Variants in SPG7 observed in about 807,000 individuals in gnomAD.
The protein encoded by SPG7 is mitochondrial inner membrane m-AAA protease component paraplegin.
A neutral mutation model predicts 81.9 loss-of-function variants in SPG7; 103 were observed. The ratio of observed to expected loss-of-function variants is 1.26; its 90% CI spans 1.07 to 1.48. SPG7 has a LOEUF of 1.48. Among genes scored for constraint, SPG7 ranks in the 40% most tolerant of loss-of-function variants. The pLI is 0.00. For synonymous variants in SPG7, 534 were observed against 444.2 expected (o/e 1.20, Z -2.54); for missense variants, 1,241 against 1,087.3 (o/e 1.14, Z -1.99).
rs535030441 is a variant in SPG7, at chr16:89,508,421, G to A, written c.4G>A (p.Ala2Thr). 1,184 of 1,490,226 alleles carry A rather than the reference G, an allele frequency of 7.9e-4. No homozygotes were observed. Among genetic ancestry groups the A allele is most frequent in the African/African-American group, 3.1e-3 (213 of 68,524 alleles). 92.3% of individuals were successfully genotyped at this position (1,490,226 alleles called of 1,614,324 possible). ...CAGGCGCGGCTTTCAGGCCAACATG[G>A]CCGTGCTGCTGCTGCTGCTCCGTGC... M[A>T]VLLLLLRALR... The change falls in exon 1 of 17, where the codon GCC (alanine) becomes ACC (threonine). Residue 2 changes from alanine (A) to threonine (T), a missense_variant. Coordinates refer to ENST00000645818, the MANE Select transcript of SPG7 (RefSeq NM_003119.4).
At chr16:89,552,798 C>T (rs903965369) in intron 13 of SPG7, 181 bp from the exon 14 acceptor site, 2 of 649,382 alleles carry the variant, frequency 3.1e-6, no homozygotes, top group South Asian at 3.4e-5. Flanking sequence ...GTGGTGGGAA[C>T]GCTGCTGTCT....
Position 89,515,017 on chromosome 16 carries a change from A to G in SPG7, c.376+1980A>G, listed in dbSNP as rs190741355. On this transcript the variant is annotated intron_variant, in intron 3 of 16. Transcript: ENST00000645818. ...AGTGGTGTGATCTCAGCTCACTGCAAGCTCCGTCTCCCAGGTTCACGCCAT... is the reference window on the plus strand; with the variant it reads ...AGTGGTGTGATCTCAGCTCACTGCAGGCTCCGTCTCCCAGGTTCACGCCAT... Among the ~76,000 whole-genome samples, 1,204 of 148,762 alleles carry G rather than the reference A, an allele frequency of 8.1e-3. 14 individuals are homozygous for G. Among genetic ancestry groups the G allele is most frequent in the African/African-American group, 0.029 (1,153 of 40,228 alleles).
intron 9 of SPG7, chr16:89,541,492 T>C: frequency 4.0e-6 from 1 of 248,474 alleles, no homozygotes; most frequent in Non-Finnish European, 6.4e-6. Context: ...GGGAGGGCGG[T>C]TCTGTGTCTT....
intron 10 of SPG7, chr16:89,545,315 T>C (rs1384555164): frequency 4.3e-6 from 1 of 232,244 alleles, no homozygotes; most frequent in Non-Finnish European, 8.6e-6. Context: ...AAAGGGCCTT[T>C]GTTGCTGCCC....
chr16:89,512,348 C>G (rs4785685), intron 2 of SPG7, among the ~76,000 whole-genome samples: 65,525 of 151,590 alleles, frequency 0.43, 14,634 homozygotes, highest in East Asian at 0.67. Flanking sequence ...CGGAGTCTTG[C>G]TCTGTAAACC....
At chr16:89,512,724 A>T (rs891933730) in intron 2 of SPG7, among the ~76,000 whole-genome samples, 8 of 152,254 alleles carry the variant, frequency 5.3e-5, no homozygotes, top group African/African-American at 1.9e-4. Context: ...AGTAGCAAAG[A>T]TATTTAACGT....
intron 16 of SPG7, chr16:89,555,587 C>A (rs560683308): frequency 3.0e-5 from 9 of 298,566 alleles, no homozygotes; most frequent in African/African-American, 4.3e-5. Context: ...GGCGTTTGAT[C>A]GCCCATCTTC....
At chr16:89,533,655 CAG>C (rs2058375607) in intron 9 of SPG7, 1 of 152,142 alleles carries the variant, frequency 6.6e-6, no homozygotes, top group Non-Finnish European at 1.5e-5. Context: ...AGCAGAGCAT[CAG>C]GGTGCTGCAC....
intron 3 of SPG7, among the ~76,000 whole-genome samples, chr16:89,514,935 CT>C (rs56327708): frequency 0.045 from 5,505 of 122,512 alleles, 131 homozygotes; most frequent in African/African-American, 0.12. Context: ...TGGCCTTGAC[CT>C]TTTTTTTTTT....
intron 10 of SPG7, chr16:89,546,232 A>G (rs373208718): frequency 9.6e-6 from 3 of 312,386 alleles, no homozygotes; most frequent in South Asian, 8.0e-5. Flanking sequence ...GATTACAGGC[A>G]CCCGCCGTCT....
chr16:89,531,952 C>T lies in SPG7; in HGVS notation c.1036C>T (p.Leu346=). The change falls in exon 8 of 17, where the codon CTG becomes TTG. Residue 346 remains leucine, a synonymous_variant. Transcript: ENST00000645818. Reference sequence around the variant, plus strand: ...TGGCGCCAAGGTCCCAAAGGGCGCACTGCTGCTCGGCCCCCCCGGCTGTGG... The same window carrying T: ...TGGCGCCAAGGTCCCAAAGGGCGCATTGCTGCTCGGCCCCCCCGGCTGTGG... ...QLGAKVPKGA[L]LLGPPGCGKT... The T allele has an allele frequency of 6.2e-7, 1 of 1,614,144 alleles. No individual in the cohort carries two copies. The highest frequency in any genetic ancestry group is 8.5e-7 in the Non-Finnish European group (1 of 1,179,980).
At chr16:89,554,684 G>T (rs774833792) in intron 16 of SPG7, 121 bp downstream of exon 16, 1 of 717,950 alleles carries the variant, frequency 1.4e-6, no homozygotes. Flanking sequence ...CACTCTGACC[G>T]ATGTGAATTC....
chr16:89,553,688 G>A, intron 14 of SPG7, 106 bp from the exon 15 acceptor site: 2 of 1,103,006 alleles, frequency 1.8e-6, no homozygotes, highest in East Asian at 2.4e-5. Flanking sequence ...GGGAGGAAGG[G>A]GATGGAGGTG....
rs530877336 is a variant in SPG7 at position 89,513,020 on chromosome 16, C to G, written c.359C>G (p.Ala120Gly). The change falls in exon 3 of 17, where the codon GCG becomes GGG. Residue 120 changes from alanine to glycine, a missense_variant. By Grantham distance (60) the Ala-to-Gly change is moderately conservative. Transcript: ENST00000645818. ...GAGAAGGATAAGTCGAAGGGGAAGG[C>G]GCCTGAAGAGGACGAAGGTATATTC... ...NKEKDKSKGK[A>G]PEEDEEERRR... is the part of the protein sequence containing the mutation. 1.2e-6 allele frequency: 2 copies of G among 1,611,660 alleles called. No homozygotes were observed. Among genetic ancestry groups the G allele is most frequent in the Non-Finnish European group, 8.5e-7 (1 of 1,178,420 alleles).
intron 16 of SPG7, 182 bp downstream of exon 16, chr16:89,554,745 G>A (rs930902706): frequency 5.8e-5 from 35 of 608,592 alleles, no homozygotes; most frequent in East Asian, 3.2e-4. Flanking sequence ...TCCTGAACTC[G>A]TCAAGTGTGT....
chr16:89,554,613 C>A, intron 16 of SPG7, 50 bp downstream of exon 16: 1 of 1,294,084 alleles, frequency 7.7e-7, no homozygotes, highest in Non-Finnish European at 1.1e-6. Flanking sequence ...AGTGTCCACA[C>A]AGCACCCACG....
intron 2 of SPG7, 117 bp downstream of exon 2, chr16:89,510,709 G>T: frequency 1.4e-6 from 1 of 719,190 alleles, no homozygotes. Context: ...GCACGGGCTG[G>T]AGTGCAGTAC....
At position 89,543,227 on chromosome 16, in the gene SPG7, G is replaced by A. The variant is rs377407889; in HGVS notation, c.1325-1421G>A. On this transcript the variant is annotated intron_variant, in intron 9 of 16. Transcript: ENST00000645818. ...CTCCCAAAGTGCTGGGATTACAGGC[G>A]TGAGCCACCGCGCCTGGCTATATCC... 1,349 of 151,836 alleles carry A rather than the reference G, an allele frequency of 8.9e-3. 6 individuals are homozygous for A. Among genetic ancestry groups the A allele is most frequent in the South Asian group, 0.024 (116 of 4,782 alleles). The allele number at this position is 151,836 out of a possible 1,614,324, so 9.4% of individuals were successfully genotyped here. A position where few individuals can be genotyped will look rare whatever the true frequency, so the allele number is the denominator to read the frequency against.
intron 9 of SPG7, chr16:89,537,382 G>T (rs903904788): frequency 9.0e-7 from 1 of 1,113,140 alleles, no homozygotes. Context: ...GATGGGGAGC[G>T]TCGGCGCTGA....
Sources: allele counts gnomAD v4.1 joint callset (sites outside exome capture counted in the v4.1 genomes callset), GRCh38; gene constraint gnomAD v4.1.1; transcripts MANE v1.5; gene names NCBI Gene and HGNC (gene_info 2026-07-23, HGNC 2026-07-21).